Variants in GMEB1 observed in about 807,000 individuals in gnomAD.
The protein encoded by GMEB1 is glucocorticoid modulatory element-binding protein 1.
In GMEB1, 6 loss-of-function variants were observed where a neutral mutation model predicts 52.4. That is an observed-to-expected ratio of 0.11 (90% confidence interval 0.06 to 0.23). The LOEUF (loss-of-function observed/expected upper bound fraction) is 0.23, where lower values mean the gene tolerates loss of function less well. GMEB1 is among the 10% of genes least tolerant of loss of function. The pLI is 1.00. For missense variants in GMEB1, 486 were observed against 685.6 expected (o/e 0.71, Z 3.25); for synonymous variants, 255 against 244.9 (o/e 1.04, Z -0.38).
In GMEB1 at chr1:28,714,311, C is replaced by A. The variant is rs1407037138; in HGVS notation, c.1230C>A (p.Gly410=). The part of the protein sequence containing the change: ...ITPVGQSFSM[G]NIPVATLSQG... The stretch of plus-strand genomic sequence containing the variant: ...CAGTGGGTCAGTCATTTTCCATGGG[C>A]AATATTCCAGTGGCCACCCTCAGCC... The change falls in exon 10 of 10, where the codon GGC becomes GGA. Residue 410 remains glycine (G), a synonymous_variant. Transcript: ENST00000373816. 2 of 1,614,062 alleles carry A rather than the reference C, an allele frequency of 1.2e-6. No individual in the cohort carries two copies. The highest frequency in any genetic ancestry group is 3.3e-5 in the Admixed American group (2 of 59,992).
At chr1:28,700,405 T>G (rs924773412) in intron 6 of GMEB1, among the ~76,000 whole-genome samples, 22 of 150,900 alleles carry the variant, frequency 1.5e-4, no homozygotes, top group African/African-American at 5.4e-4. Context: ...TCCCAGCTAC[T>G]CCGGAGGCTG....
intron 1 of GMEB1, among the ~76,000 whole-genome samples, chr1:28,671,113 C>T (rs1366183630): frequency 6.6e-6 from 1 of 152,092 alleles, no homozygotes; most frequent in Non-Finnish European, 1.5e-5. Flanking sequence ...ACTTGTTGAC[C>T]TCATTACATC....
intron 4 of GMEB1, 32 bp downstream of exon 4, chr1:28,691,741 T>C: frequency 7.3e-7 from 1 of 1,378,024 alleles, no homozygotes; most frequent in South Asian, 1.7e-5. Context: ...AAGCCAAATT[T>C]GGGACTCCTT....
At chr1:28,691,487 G>A (rs1669960795) in intron 3 of GMEB1, 98 bp from the exon 4 acceptor site, 1 of 756,392 alleles carries the variant, frequency 1.3e-6, no homozygotes, top group Non-Finnish European at 2.0e-6. Flanking sequence ...CAAGAGTGAA[G>A]TATTAGTCCC....
At chr1:28,699,151 G>A (rs940993666) in intron 6 of GMEB1, among the ~76,000 whole-genome samples, 3 of 152,092 alleles carry the variant, frequency 2.0e-5, no homozygotes, top group African/African-American at 7.2e-5. Context: ...TCTGCTTGGA[G>A]GGGCTCCTGA....
intron 9 of GMEB1, among the ~76,000 whole-genome samples, chr1:28,712,367 T>C (rs1185464638): frequency 6.6e-6 from 1 of 152,126 alleles, no homozygotes; most frequent in Admixed American, 6.5e-5. Context: ...ATTACTTCAT[T>C]GGCCATTGGT....
At chr1:28,708,927 C>A (rs1227982196) in intron 8 of GMEB1, among the ~76,000 whole-genome samples, 1 of 151,934 alleles carries the variant, frequency 6.6e-6, no homozygotes, top group East Asian at 1.9e-4. Context: ...GTCAGGAGAT[C>A]AAGACCATCC....
At chr1:28,674,865 C>T (rs1465449870) in intron 1 of GMEB1, among the ~76,000 whole-genome samples, 35 of 118,102 alleles carry the variant, frequency 3.0e-4, no homozygotes, top group East Asian at 7.6e-4. Flanking sequence ...ACTACAGGCG[C>T]CCGCCACTAC....
intron 9 of GMEB1, among the ~76,000 whole-genome samples, chr1:28,712,257 T>C (rs1671089622): frequency 6.6e-6 from 1 of 152,140 alleles, no homozygotes; most frequent in South Asian, 2.1e-4. Context: ...TTCCATGCAC[T>C]CTGTAGTCAC....
At position 28,687,376 on chromosome 1, in the gene GMEB1, ACAC is replaced by A. The variant is rs1557504249; in HGVS notation, c.129-2727_129-2725del. Among the ~76,000 whole-genome samples the A allele has an allele frequency of 2.8e-4, 35 of 124,638 alleles. 2 individuals are homozygous for A. Among genetic ancestry groups the A allele is most frequent in the African/African-American group, 4.3e-4 (14 of 32,362 alleles). The allele number at this position is 124,638 out of a possible 152,430, so 81.8% of individuals were successfully genotyped here. A position where few individuals can be genotyped will look rare whatever the true frequency, so the allele number is the denominator to read the frequency against. On this transcript the variant is annotated intron_variant, in intron 2 of 9. Coordinates refer to ENST00000373816, the MANE Select transcript of GMEB1 (RefSeq NM_001319674.2). ...CACACACACACACACACACACACAC[ACAC>A]ACACACACAAAAAAAGACAGTGGAG...
At chr1:28,709,585 AT>A (rs1374380483) in intron 8 of GMEB1, among the ~76,000 whole-genome samples, 2 of 150,808 alleles carry the variant, frequency 1.3e-5, no homozygotes, top group Non-Finnish European at 3.0e-5. Flanking sequence ...AAAAAAAAAA[AT>A]TTTTTTGAGA....
intron 2 of GMEB1, among the ~76,000 whole-genome samples, 154 bp downstream of exon 2, chr1:28,683,894 G>T (rs1190477016): frequency 6.6e-6 from 1 of 152,172 alleles, no homozygotes; most frequent in Non-Finnish European, 1.5e-5. Flanking sequence ...ATTGCGTGCT[G>T]TATTTGTCAT....
chr1:28,679,488 T>G (rs1360798474), intron 1 of GMEB1, among the ~76,000 whole-genome samples: 2 of 152,150 alleles, frequency 1.3e-5, no homozygotes, highest in Non-Finnish European at 1.5e-5. Flanking sequence ...CCTTTCTAGT[T>G]TTAAGGCTTC....
chr1:28,704,089 T>A, intron 7 of GMEB1, 103 bp from the exon 8 acceptor site: 1 of 1,094,124 alleles, frequency 9.1e-7, no homozygotes, highest in Non-Finnish European at 1.3e-6. Context: ...CAATAAGAAA[T>A]CATTTTGAGT....
At position 28,716,092 on chromosome 1, in the gene GMEB1, C is replaced by G. The variant is rs1370415234; in HGVS notation, c.*1319C>G. 6.6e-6 allele frequency: 1 copy of G among 152,068 alleles called. No homozygotes were observed. The highest frequency in any genetic ancestry group is 2.4e-5 in the African/African-American group (1 of 41,348). 9.4% of individuals were successfully genotyped at this position (152,068 alleles called of 1,614,324 possible). ...CTAGCCTGGGCGAGGAGTGAAACTC[C>G]GTCTCAAAAAAAAAGAAAGAAATGG... On this transcript the variant is annotated 3_prime_UTR_variant, in exon 10 of 10. Transcript: ENST00000373816.
intron 6 of GMEB1, among the ~76,000 whole-genome samples, chr1:28,701,371 G>GC (rs1281873545): frequency 1.3e-5 from 2 of 150,058 alleles, no homozygotes; most frequent in Non-Finnish European, 3.0e-5. Context: ...CCGGGTTCAC[G>GC]CCACTCTCCT....
At chr1:28,704,699 G>A (rs374919095) in intron 8 of GMEB1, among the ~76,000 whole-genome samples, 4 of 151,992 alleles carry the variant, frequency 2.6e-5, no homozygotes, top group African/African-American at 9.6e-5. Flanking sequence ...TCCGCCTCCT[G>A]GGTTTTAAGC....
intron 1 of GMEB1, among the ~76,000 whole-genome samples, chr1:28,681,146 G>A (rs140131874): frequency 6.3e-4 from 96 of 152,312 alleles, no homozygotes; most frequent in African/African-American, 2.2e-3. Context: ...CGGGGGTACT[G>A]CAGGTGCTGA....
At chr1:28,688,568 C>A (rs894045105) in intron 2 of GMEB1, among the ~76,000 whole-genome samples, 1 of 152,160 alleles carries the variant, frequency 6.6e-6, no homozygotes, top group Non-Finnish European at 1.5e-5. Flanking sequence ...ATATAACCTT[C>A]TCTAAGTGGT....
Sources: allele counts gnomAD v4.1 joint callset (sites outside exome capture counted in the v4.1 genomes callset), GRCh38; gene constraint gnomAD v4.1.1; transcripts MANE v1.5; gene names NCBI Gene and HGNC (gene_info 2026-07-23, HGNC 2026-07-21).